The following NCOR1 variants were observed in gnomAD, a reference collection of about 807,000 sequenced individuals.
NCOR1 encodes nuclear receptor corepressor 1, also known as protein phosphatase 1, regulatory subunit 109.
NCOR1 carries 63 observed loss-of-function variants against 288.1 expected under a neutral mutation model. That is an observed-to-expected ratio of 0.22 (90% CI 0.18 to 0.27). The LOEUF (loss-of-function observed/expected upper bound fraction) is 0.27, where lower values mean the gene tolerates loss of function less well. Among genes scored for constraint, NCOR1 ranks in the 10% least tolerant of loss-of-function variants. The probability of loss-of-function intolerance (pLI) is 1.00; values close to 1 mark genes in which losing one functional copy is unlikely to be tolerated. For missense variants in NCOR1, 2,397 were observed against 3,019.2 expected (o/e 0.79, Z 4.83); for synonymous variants, 1,007 against 1,065.9 (o/e 0.94, Z 1.08).
chr17:16,053,832 G>A (rs1256940217), intron 40 of NCOR1, among the ~76,000 whole-genome samples: 2 of 151,964 alleles, frequency 1.3e-5, no homozygotes, highest in African/African-American at 4.8e-5. Context: ...CATTGTATTG[G>A]TACAAAGATA....
intron 5 of NCOR1, among the ~76,000 whole-genome samples, chr17:16,161,549 G>A (rs1264377922): frequency 2.0e-5 from 3 of 152,196 alleles, no homozygotes; most frequent in East Asian, 1.9e-4. Flanking sequence ...GGCCTGCCTC[G>A]GCCTCCCAAA....
At chr17:16,146,636 A>G in intron 9 of NCOR1, 88 bp from the exon 10 acceptor site, 1 of 1,213,716 alleles carries the variant, frequency 8.2e-7, no homozygotes, top group Non-Finnish European at 1.1e-6. Context: ...GCTACTTCTT[A>G]AGGTTAAGTC....
chr17:16,040,505 G>C lies in NCOR1; in HGVS notation c.6680-11C>G, dbSNP rs769335007. 1.2e-6 allele frequency: 2 copies of C among 1,611,956 alleles called. No individual in the cohort carries two copies. The highest frequency in any genetic ancestry group is 2.2e-5 in the South Asian group (2 of 90,870). ...CTGGCTGAGCAGCTGCTATATTTAA[G>C]CAAACATTCAAGTTAATTAAGATGT... On this transcript the variant is annotated splice_polypyrimidine_tract_variant and intron_variant, in intron 42 of 45. Transcript: ENST00000268712.
intron 19 of NCOR1, among the ~76,000 whole-genome samples, chr17:16,107,018 G>A (rs912549981): frequency 4.6e-4 from 68 of 146,352 alleles, no homozygotes; most frequent in African/African-American, 1.4e-3. Flanking sequence ...TCAGCCTCCC[G>A]AGTAGCTGGG....
At chr17:16,038,363 T>C (rs1007929379) in intron 44 of NCOR1, among the ~76,000 whole-genome samples, 27 of 152,202 alleles carry the variant, frequency 1.8e-4, no homozygotes, top group African/African-American at 6.5e-4. Flanking sequence ...ACAATGCTTA[T>C]CAGATACAAG....
intron 40 of NCOR1, chr17:16,057,283 C>G (rs59239162): frequency 1.3e-5 from 7 of 520,574 alleles, no homozygotes; most frequent in Admixed American, 6.5e-5. Flanking sequence ...TACAAACCAA[C>G]AAATAGAATA....
chr17:16,068,808 G>A (rs1367774612), intron 31 of NCOR1, among the ~76,000 whole-genome samples: 1 of 151,378 alleles, frequency 6.6e-6, no homozygotes, highest in East Asian at 1.9e-4. Context: ...CTACCTCCTG[G>A]GTTCAAGCGA....
chr17:16,166,356 T>C (rs2081997528), intron 4 of NCOR1, among the ~76,000 whole-genome samples: 1 of 152,130 alleles, frequency 6.6e-6, no homozygotes, highest in South Asian at 2.1e-4. Context: ...GGTCATTGGC[T>C]TCCAAAATAA....
chr17:16,053,259 C>T (rs2059523386), intron 40 of NCOR1, among the ~76,000 whole-genome samples: 1 of 152,200 alleles, frequency 6.6e-6, no homozygotes, highest in Non-Finnish European at 1.5e-5. Flanking sequence ...CAAACTATCT[C>T]TGTTTGCAGA....
At chr17:16,131,346 A>T (rs935557511) in intron 14 of NCOR1, among the ~76,000 whole-genome samples, 1 of 152,098 alleles carries the variant, frequency 6.6e-6, no homozygotes, top group Non-Finnish European at 1.5e-5. Context: ...ATTTCAACAT[A>T]ATTTAAGAAC....
At chr17:16,136,429 C>T (rs763551847) in intron 14 of NCOR1, among the ~76,000 whole-genome samples, 6 of 152,162 alleles carry the variant, frequency 3.9e-5, no homozygotes, top group Admixed American at 1.3e-4. Context: ...TGGGCTCAGG[C>T]GATGCTCTGG....
At chr17:16,036,952 T>C (rs1235484597) in intron 44 of NCOR1, among the ~76,000 whole-genome samples, 3 of 151,138 alleles carry the variant, frequency 2.0e-5, no homozygotes, top group Non-Finnish European at 4.4e-5. Flanking sequence ...AGGTCTAGCT[T>C]TCAGCCTGTC....
intron 11 of NCOR1, among the ~76,000 whole-genome samples, chr17:16,142,863 T>C (rs1018031655): frequency 1.3e-5 from 2 of 152,214 alleles, no homozygotes; most frequent in African/African-American, 4.8e-5. Context: ...ATTTTATTAA[T>C]TCTGCTCTTT....
chr17:16,164,191 A>G (rs1283111102), intron 5 of NCOR1, among the ~76,000 whole-genome samples: 1 of 151,864 alleles, frequency 6.6e-6, no homozygotes, highest in Non-Finnish European at 1.5e-5. Flanking sequence ...CAGTGAGCCA[A>G]GATCGCACCA....
intron 6 of NCOR1, among the ~76,000 whole-genome samples, chr17:16,154,021 T>TA (rs2079298779): frequency 7.2e-6 from 1 of 138,330 alleles, no homozygotes; most frequent in Non-Finnish European, 1.6e-5. Context: ...TTTCCTTTTT[T>TA]TTTTTTTTTT....
chr17:16,178,824 G>A, intron 3 of NCOR1, among the ~76,000 whole-genome samples: 1 of 152,126 alleles, frequency 6.6e-6, no homozygotes, highest in Non-Finnish European at 1.5e-5. Flanking sequence ...ATAATTTTAG[G>A]CTGGGAGTGG....
chr17:16,151,570 A>T, intron 8 of NCOR1: 1 of 1,316,198 alleles, frequency 7.6e-7, no homozygotes, highest in Non-Finnish European at 1.0e-6. Flanking sequence ...GTCTTAAATG[A>T]AAAAGCTTCA....
chr17:16,177,240 A>G (rs994597618), intron 3 of NCOR1, among the ~76,000 whole-genome samples: 13 of 152,036 alleles, frequency 8.6e-5, no homozygotes, highest in African/African-American at 3.1e-4. Flanking sequence ...TTGTTTTTGA[A>G]TACTTCATTA....
At chr17:16,116,667 C>A (rs1325926545) in intron 18 of NCOR1, among the ~76,000 whole-genome samples, 1 of 152,080 alleles carries the variant, frequency 6.6e-6, no homozygotes, top group African/African-American at 2.4e-5. Context: ...AGAACTCGAA[C>A]AATTGCCAAA....
Sources: gnomAD v4.1 joint callset for allele counts (sites outside exome capture counted in the v4.1 genomes callset) on GRCh38, gnomAD v4.1.1 for gene constraint, MANE v1.5 for transcripts, NCBI Gene and HGNC (gene_info 2026-07-23, HGNC 2026-07-21) for gene names.